The following SYNE1 variants were observed in gnomAD, a reference collection of about 807,000 sequenced individuals.
SYNE1 encodes the protein nesprin-1.
In SYNE1, 616 loss-of-function variants were observed where a neutral mutation model predicts 1,111.0. That is an observed-to-expected ratio of 0.55 (90% CI 0.52 to 0.59). The LOEUF is 0.59. SYNE1 is among the 20% of genes least tolerant of loss of function. The probability of loss-of-function intolerance (pLI) is 0.00; values close to 1 mark genes in which losing one functional copy is unlikely to be tolerated. For missense variants in SYNE1, 10,006 were observed against 10,417.0 expected, an observed-to-expected ratio of 0.96 and a Z score of 1.72; for synonymous variants, 3,855 against 3,825.8, an observed-to-expected ratio of 1.01 and a Z score of -0.28.
intron 84 of SYNE1, among the ~76,000 whole-genome samples, chr6:152,319,563 G>A (rs762551918): frequency 2.1e-4 from 32 of 152,114 alleles, no homozygotes; most frequent in Non-Finnish European, 3.2e-4. Context: ...AAGACAGTTC[G>A]CATTTACAAA....
chr6:152,391,402 C>T lies in SYNE1; in HGVS notation c.7879G>A (p.Glu2627Lys), dbSNP rs754203591. 7.4e-6 allele frequency: 12 copies of T among 1,613,864 alleles called. No homozygotes were observed. Among genetic ancestry groups the T allele is most frequent in the Admixed American group, 3.3e-5 (2 of 59,986 alleles). Reference sequence around the variant, plus strand: ...CTTTGCAGTGCTTCCTCCAGGGCTTCGTGCTCCTGAAGGGCCACCTGGCAG... The same window carrying T: ...CTTTGCAGTGCTTCCTCCAGGGCTTTGTGCTCCTGAAGGGCCACCTGGCAG... ...RSCQVALQEH[E>K]ALEEALQSMW... is the part of the protein sequence containing the mutation. Residue 2627 changes from glutamate (E) to lysine (K), a missense_variant, in exon 52 of 146, where the codon GAA becomes AAA. By Grantham distance (56) the Glu-to-Lys change is moderately conservative (BLOSUM62 1). Around this residue, in one of 7 missense-constraint regions of SYNE1, gnomAD observed 4,955 missense variants for 5,017.2 expected, o/e 0.99. Coordinates refer to ENST00000367255, the MANE Select transcript of SYNE1 (RefSeq NM_182961.4).
chr6:152,184,128 G>A (rs1304563267), intron 128 of SYNE1, among the ~76,000 whole-genome samples: 3 of 152,178 alleles, frequency 2.0e-5, no homozygotes, highest in East Asian at 3.8e-4. Context: ...AGAAATAAGA[G>A]AGTAATTTAA....
At chr6:152,282,676 A>T (rs561365940) in intron 96 of SYNE1, among the ~76,000 whole-genome samples, 1 of 152,284 alleles carries the variant, frequency 6.6e-6, no homozygotes, top group South Asian at 2.1e-4. Flanking sequence ...TATTTTAAAA[A>T]TTATTTTATG....
Position 152,326,645 on chromosome 6 carries a change from C to T in SYNE1, c.14956-12G>A. The T allele has an allele frequency of 2.5e-6, 4 of 1,609,256 alleles. No individual in the cohort carries two copies. Among genetic ancestry groups the T allele is most frequent in the Non-Finnish European group, 3.4e-6 (4 of 1,177,666 alleles). ...TCAGTCAAGGTAGCCTGAAAAACAG[C>T]AATTGCAAACATAATCAACTCTCCT... On this transcript the variant is annotated splice_polypyrimidine_tract_variant and intron_variant, in intron 78 of 145. Coordinates refer to ENST00000367255, the MANE Select transcript of SYNE1 (RefSeq NM_182961.4).
rs1447885641 is a variant in SYNE1, at chr6:152,269,285, C to T, written c.18575G>A (p.Gly6192Glu). Residue 6192 changes from glycine to glutamate, a missense_variant and splice_region_variant, in exon 99 of 146, where the codon GGA becomes GAA. Coordinates refer to ENST00000367255, the MANE Select transcript of SYNE1 (RefSeq NM_182961.4). ...ALHDKQLNMQ[G>E]TAQEKEESDV... is the part of the protein sequence containing the mutation. ...GCTCTCCTCCTTCTCCTGTGCTGTT[C>T]CCTGCTTTTAACGAGGCAGAAATCA... 2 of 1,614,018 alleles carry T rather than the reference C, an allele frequency of 1.2e-6. No homozygotes were observed. The highest frequency in any genetic ancestry group is 1.1e-5 in the South Asian group (1 of 91,078).
In SYNE1 at chr6:152,141,195, G is replaced by A. The variant is rs760126474; in HGVS notation, c.25246+8C>T. The A allele has an allele frequency of 7.4e-6, 12 of 1,613,896 alleles. No individual in the cohort carries two copies. Among genetic ancestry groups the A allele is most frequent in the Middle Eastern group, 3.3e-4 (2 of 6,084 alleles). The stretch of plus-strand genomic sequence containing the variant: ...CATTCACTCTTGAACTGGATGCTAC[G>A]CACTCACCAGCCGTTTGGGTTTCGG... On this transcript the variant is annotated splice_region_variant and intron_variant, in intron 139 of 145. Coordinates refer to ENST00000367255, the MANE Select transcript of SYNE1 (RefSeq NM_182961.4).
At chr6:152,401,996 A>G (rs558073257) in intron 46 of SYNE1, among the ~76,000 whole-genome samples, 2 of 152,222 alleles carry the variant, frequency 1.3e-5, no homozygotes, top group South Asian at 4.2e-4. Context: ...TCTTACCCCC[A>G]CCTCAGATCT....
intron 29 of SYNE1, 81 bp downstream of exon 29, chr6:152,447,377 C>G (rs1430434590): frequency 1.3e-6 from 2 of 1,489,272 alleles, no homozygotes; most frequent in Non-Finnish European, 1.8e-6. Context: ...AAATTACTTG[C>G]TAAACTACAA....
At chr6:152,582,499 A>G (rs1370886631) in intron 3 of SYNE1, among the ~76,000 whole-genome samples, 1 of 151,992 alleles carries the variant, frequency 6.6e-6, no homozygotes, top group Non-Finnish European at 1.5e-5. Context: ...ACACACATAT[A>G]TTACATATTA....
intron 79 of SYNE1, 77 bp downstream of exon 79, chr6:152,326,219 A>G: frequency 1.2e-6 from 2 of 1,611,370 alleles, no homozygotes; most frequent in African/African-American, 1.3e-5. Flanking sequence ...GTGCTAATGT[A>G]TATCATTCGT....
chr6:152,562,456 A>T (rs2099398105), intron 3 of SYNE1, among the ~76,000 whole-genome samples: 1 of 152,218 alleles, frequency 6.6e-6, no homozygotes, highest in Non-Finnish European at 1.5e-5. Context: ...GAGAATGTAA[A>T]TTATTACAGA....
Position 152,574,316 on chromosome 6 carries a change from G to A in SYNE1, c.68-34295C>T, listed in dbSNP as rs186187598. Among the ~76,000 whole-genome samples, 368 of 151,148 alleles carry A rather than the reference G, an allele frequency of 2.4e-3. 1 individual carries two copies. Among genetic ancestry groups the A allele is most frequent in the Non-Finnish European group, 4.0e-3 (272 of 67,934 alleles). ...TATATAATATATATTTGTTGTTTTC[G>A]TAGATGAGATCTGGAGAGTTGCCTC... is the stretch of plus-strand genomic sequence containing the variant. On this transcript the variant is annotated intron_variant, in intron 3 of 145. Transcript: ENST00000367255.
chr6:152,352,104 A>G lies in SYNE1; in HGVS notation c.11503T>C (p.Tyr3835His). ...CKALTQWIAE[Y>H]QEILHVPEEP... ...TCAGGAACATGTAGAATTTCCTGGTATTCTGCTATCCACTGTGTCAGTGCT... is the reference window on the plus strand; with the variant it reads ...TCAGGAACATGTAGAATTTCCTGGTGTTCTGCTATCCACTGTGTCAGTGCT... Residue 3835 changes from tyrosine to histidine, a missense_variant, in exon 70 of 146, where the codon TAC becomes CAC. This residue lies in a region of SYNE1 where 4,955 missense variants were observed against 5,017.2 expected (regional missense o/e 0.99). Coordinates refer to ENST00000367255, the MANE Select transcript of SYNE1 (RefSeq NM_182961.4). 6.2e-7 allele frequency: 1 copy of G among 1,614,198 alleles called. No homozygotes were observed. Among genetic ancestry groups the G allele is most frequent in the Non-Finnish European group, 8.5e-7 (1 of 1,180,026 alleles).
chr6:152,569,452 G>A (rs992442468), intron 3 of SYNE1, among the ~76,000 whole-genome samples: 7 of 152,156 alleles, frequency 4.6e-5, no homozygotes, highest in Admixed American at 1.3e-4. Flanking sequence ...ATATGTATCA[G>A]TGCTTATATA....
intron 3 of SYNE1, among the ~76,000 whole-genome samples, chr6:152,559,484 A>C (rs193007361): frequency 3.9e-5 from 6 of 152,314 alleles, no homozygotes. Context: ...CAGTAATATG[A>C]AGAAAATTTG....
chr6:152,137,450 GC>G (rs201163573), intron 140 of SYNE1, among the ~76,000 whole-genome samples: 1,811 of 152,272 alleles, frequency 0.012, 22 homozygotes, highest in Middle Eastern at 0.078. Context: ...TACTGCCTGT[GC>G]CACACTGATG....
chr6:152,424,878 T>C (rs76123155), intron 39 of SYNE1, among the ~76,000 whole-genome samples: 10 of 152,334 alleles, frequency 6.6e-5, no homozygotes, highest in African/African-American at 2.4e-4. Context: ...ATTTGTTTTC[T>C]GGTATATTGG....
intron 123 of SYNE1, among the ~76,000 whole-genome samples, chr6:152,212,568 AC>A (rs1314060806): frequency 2.6e-5 from 4 of 152,108 alleles, no homozygotes; most frequent in Non-Finnish European, 1.5e-5. Flanking sequence ...GGCTATTATG[AC>A]TAATGCTCCT....
intron 2 of SYNE1, among the ~76,000 whole-genome samples, chr6:152,629,251 A>T (rs2128991374): frequency 6.6e-6 from 1 of 152,042 alleles, no homozygotes; most frequent in South Asian, 2.1e-4. Context: ...TCACTCTGTC[A>T]TCCAGGCTGG....
Sources: gnomAD v4.1 joint callset for allele counts (sites outside exome capture counted in the v4.1 genomes callset) on GRCh38, gnomAD v4.1.1 for gene constraint, gnomAD v4.1.1 regional missense constraint, MANE v1.5 for transcripts, NCBI Gene and HGNC (gene_info 2026-07-23, HGNC 2026-07-21) for gene names.